THSD7B: variants seen among roughly 807,000 people sequenced by gnomAD.
THSD7B encodes the protein thrombospondin type 1 domain containing 7B.
THSD7B carries 138 observed loss-of-function variants against 213.6 expected under a neutral mutation model. The observed-to-expected ratio is 0.65, with a 90% CI of 0.56 to 0.74. THSD7B has a LOEUF of 0.74. Among genes scored for constraint, THSD7B ranks in the 30% least tolerant of loss-of-function variants. The probability of loss-of-function intolerance (pLI) is 0.00; values close to 1 mark genes in which losing one functional copy is unlikely to be tolerated. For synonymous variants in THSD7B, 742 were observed against 687.0 expected (o/e 1.08, Z -1.25); for missense variants, 1,931 against 1,991.5 (o/e 0.97, Z 0.58).
At chr2:137,660,368 AC>A (rs763652084) in intron 25 of THSD7B, among the ~76,000 whole-genome samples, 1 of 150,642 alleles carries the variant, frequency 6.6e-6, no homozygotes, top group Non-Finnish European at 1.5e-5. Context: ...TAAAAACTAT[AC>A]TACATTTTTT....
intron 2 of THSD7B, among the ~76,000 whole-genome samples, chr2:137,003,521 T>C (rs915968388): frequency 1.3e-5 from 2 of 152,186 alleles, no homozygotes; most frequent in African/African-American, 2.4e-5. Context: ...ATGGCAGTAT[T>C]GTGAAGTATA....
rs749051557 is a variant in THSD7B at position 137,094,892 on chromosome 2, T to C, written c.970T>C (p.Phe324Leu). ...AMLSLCLQDS[F>L]PLTVQSCIMP... ...TTTCAGCCTTTGCCTTCAAGATTCC[T>C]TCCCATTGACTGTTCAGTCCTGCAT... The change falls in exon 4 of 28, where the codon TTC becomes CTC. Residue 324 changes from phenylalanine (F) to leucine (L), a missense_variant. By Grantham distance (22) the Phe-to-Leu change is conservative (BLOSUM62 0). Transcript: ENST00000409968. 1 of 1,612,840 alleles carries C rather than the reference T, an allele frequency of 6.2e-7. No homozygotes were observed. The highest frequency in any genetic ancestry group is 1.7e-5 in the Admixed American group (1 of 59,954).
intron 17 of THSD7B, among the ~76,000 whole-genome samples, chr2:137,600,063 C>G (rs183619977): frequency 2.6e-5 from 4 of 152,274 alleles, no homozygotes; most frequent in African/African-American, 9.6e-5. Context: ...CATCATCTCT[C>G]CCTTTTCTGC....
At chr2:137,042,878 T>G (rs1459007537) in intron 2 of THSD7B, among the ~76,000 whole-genome samples, 1 of 152,234 alleles carries the variant, frequency 6.6e-6, no homozygotes, top group African/African-American at 2.4e-5. Flanking sequence ...TCAATTCACT[T>G]TTTTTGTAAG....
intron 3 of THSD7B, among the ~76,000 whole-genome samples, chr2:137,093,752 C>CT (rs936237021): frequency 1.7e-4 from 26 of 150,944 alleles, no homozygotes; most frequent in Admixed American, 3.3e-4. Flanking sequence ...ATCACATTAT[C>CT]TTTTTTTTTA....
chr2:137,662,997 G>C (rs774770169), intron 25 of THSD7B, among the ~76,000 whole-genome samples: 1 of 143,292 alleles, frequency 7.0e-6, no homozygotes, highest in Non-Finnish European at 1.5e-5. Context: ...CCTGGGAGGC[G>C]GAGATTACAA....
rs556572470 is a variant in THSD7B at position 137,540,866 on chromosome 2, C to G, written c.3139-22355C>G. Among the ~76,000 whole-genome samples, 5 of 151,706 alleles carry G rather than the reference C, an allele frequency of 3.3e-5. No individual in the cohort carries two copies. The South Asian group carries it at 1.0e-3, about 32-fold the overall frequency. On this transcript the variant is annotated intron_variant, in intron 15 of 27. Coordinates refer to ENST00000409968, the MANE Select transcript of THSD7B (RefSeq NM_001316349.2). ...GGGTTCTGACAAACTGTAAGATATT[C>G]CTGGGAATTAAAAGAGCATGCAAGT...
intron 12 of THSD7B, among the ~76,000 whole-genome samples, chr2:137,403,651 A>G (rs1055977447): frequency 6.6e-6 from 1 of 152,248 alleles, no homozygotes; most frequent in African/African-American, 2.4e-5. Flanking sequence ...TTTAAACACA[A>G]AGATATTCCC....
intron 15 of THSD7B, among the ~76,000 whole-genome samples, chr2:137,553,337 G>A (rs1463231177): frequency 6.6e-6 from 1 of 152,052 alleles, no homozygotes; most frequent in African/African-American, 2.4e-5. Flanking sequence ...TTTTATTTGA[G>A]CCCTTGAACC....
At chr2:137,309,228 T>A (rs75649897) in intron 12 of THSD7B, among the ~76,000 whole-genome samples, 4,027 of 152,146 alleles carry the variant, frequency 0.026, 92 homozygotes, top group African/African-American at 0.051. Context: ...TTGAATTTCT[T>A]TGATTGCTAT....
intron 15 of THSD7B, among the ~76,000 whole-genome samples, chr2:137,454,934 GA>G (rs1215419356): frequency 6.6e-6 from 1 of 152,120 alleles, no homozygotes; most frequent in Non-Finnish European, 1.5e-5. Flanking sequence ...ATAACGTTAA[GA>G]GAGGAACACA....
At chr2:137,564,080 G>T (rs1681180597) in intron 16 of THSD7B, among the ~76,000 whole-genome samples, 1 of 152,170 alleles carries the variant, frequency 6.6e-6, no homozygotes, top group South Asian at 2.1e-4. Flanking sequence ...TATACATAAT[G>T]ATTAGTATGT....
At chr2:136,775,097 T>C (rs889731412) in intron 1 of THSD7B, among the ~76,000 whole-genome samples, 3 of 152,122 alleles carry the variant, frequency 2.0e-5, no homozygotes, top group Admixed American at 6.5e-5. Flanking sequence ...CAAAGCCAGA[T>C]CACTTTATTT....
chr2:137,141,415 G>T (rs1295309362), intron 5 of THSD7B, among the ~76,000 whole-genome samples: 1 of 151,984 alleles, frequency 6.6e-6, no homozygotes, highest in Non-Finnish European at 1.5e-5. Flanking sequence ...CAGCTCTGTA[G>T]CTTGATTGAG....
At chr2:137,583,231 A>G (rs1430844298) in intron 17 of THSD7B, among the ~76,000 whole-genome samples, 2 of 151,866 alleles carry the variant, frequency 1.3e-5, no homozygotes, top group Non-Finnish European at 1.5e-5. Flanking sequence ...GTAGATTTTG[A>G]ATATTAGCCC....
chr2:137,062,226 C>CT (rs995544736), intron 3 of THSD7B, among the ~76,000 whole-genome samples: 2 of 151,358 alleles, frequency 1.3e-5, no homozygotes, highest in African/African-American at 2.4e-5. Flanking sequence ...TGTATCCTCT[C>CT]TTTTTTTTCC....
chr2:137,082,180 C>T (rs1687759879), intron 3 of THSD7B, among the ~76,000 whole-genome samples: 1 of 152,084 alleles, frequency 6.6e-6, no homozygotes, highest in Non-Finnish European at 1.5e-5. Context: ...TTTTACTCCT[C>T]TGCAATTTTT....
intron 15 of THSD7B, among the ~76,000 whole-genome samples, chr2:137,553,489 T>C (rs1680891415): frequency 6.6e-6 from 1 of 152,084 alleles, no homozygotes; most frequent in Non-Finnish European, 1.5e-5. Context: ...TTAGTAAATA[T>C]TAAAAGACTG....
intron 12 of THSD7B, among the ~76,000 whole-genome samples, chr2:137,358,760 C>G (rs376286842): frequency 1.6e-4 from 25 of 152,162 alleles, no homozygotes; most frequent in African/African-American, 5.3e-4. Context: ...GTGCCAAACA[C>G]AGTATCTCAC....
Sources: gnomAD v4.1 joint callset for allele counts (sites outside exome capture counted in the v4.1 genomes callset) on GRCh38, gnomAD v4.1.1 for gene constraint, MANE v1.5 for transcripts, NCBI Gene and HGNC (gene_info 2026-07-23, HGNC 2026-07-21) for gene names.